The following UBE2D4 variants were observed in gnomAD, a reference collection of about 807,000 sequenced individuals.
The protein encoded by UBE2D4 is ubiquitin-conjugating enzyme E2 D4.
A neutral mutation model predicts 23.0 loss-of-function variants in UBE2D4; 17 were observed. The ratio of observed to expected loss-of-function variants is 0.74; its 90% CI spans 0.51 to 1.11. UBE2D4 has a LOEUF of 1.11. UBE2D4 is among the 50% of genes least tolerant of loss of function. The probability of loss-of-function intolerance (pLI) is 0.00; values close to 1 mark genes in which losing one functional copy is unlikely to be tolerated. For synonymous variants in UBE2D4, 61 were observed against 69.4 expected, an observed-to-expected ratio of 0.88 and a Z score of 0.60; for missense variants, 139 against 181.8, an observed-to-expected ratio of 0.76 and a Z score of 1.35.
At chr7:43,939,656 G>C (rs959723070) in intron 2 of UBE2D4, among the ~76,000 whole-genome samples, 21 of 152,248 alleles carry the variant, frequency 1.4e-4, no homozygotes, top group African/African-American at 4.6e-4. Flanking sequence ...ATGATTTTCA[G>C]AAGCTGGTAA....
chr7:43,928,935 A>T (rs2095939480), intron 1 of UBE2D4, among the ~76,000 whole-genome samples: 5 of 152,232 alleles, frequency 3.3e-5, no homozygotes. Flanking sequence ...CTTGAGCATG[A>T]AATGTCAACT....
Position 43,939,355 on chromosome 7 carries a change from G to A in UBE2D4, c.88+861G>A, listed in dbSNP as rs1377298980. Among the ~76,000 whole-genome samples the A allele has an allele frequency of 2.6e-5, 4 of 152,278 alleles. No homozygotes were observed. In the East Asian group the frequency reaches 5.8e-4, roughly 22 times the overall value. On this transcript the variant is annotated intron_variant, in intron 2 of 6. Coordinates refer to ENST00000222402, the MANE Select transcript of UBE2D4 (RefSeq NM_015983.4). ...GAGAGAGGGAGAAGCAGCACTGCCTGTTCCAGGCCTCTGCTGTCCCTCACA... is the reference window on the plus strand; with the variant it reads ...GAGAGAGGGAGAAGCAGCACTGCCTATTCCAGGCCTCTGCTGTCCCTCACA...
intron 4 of UBE2D4, 148 bp downstream of exon 4, chr7:43,943,179 A>C: frequency 1.3e-6 from 1 of 753,566 alleles, no homozygotes; most frequent in South Asian, 1.6e-5. Context: ...GTTTCCCAGG[A>C]CTTTAATTAC....
chr7:43,946,860 G>A (rs924531784), intron 4 of UBE2D4, among the ~76,000 whole-genome samples: 6 of 152,004 alleles, frequency 3.9e-5, no homozygotes, highest in Non-Finnish European at 5.9e-5. Flanking sequence ...GAGGGTCCAC[G>A]GCCTGAGCTT....
chr7:43,953,047 G>T lies in UBE2D4; in HGVS notation c.*352G>T. On this transcript the variant is annotated 3_prime_UTR_variant, in exon 7 of 7. Coordinates refer to ENST00000222402, the MANE Select transcript of UBE2D4 (RefSeq NM_015983.4). ...GGCCTCAAATGGTGCTGCTGCCCAT[G>T]ATGGTACCACACCAGGGCCTCAGCC... 1 of 435,346 alleles carries T rather than the reference G, an allele frequency of 2.3e-6. No individual in the cohort carries two copies. Among genetic ancestry groups the T allele is most frequent in the Non-Finnish European group, 4.6e-6 (1 of 217,294 alleles). The allele number at this position is 435,346 out of a possible 1,614,324, so 27.0% of individuals were successfully genotyped here. A position where few individuals can be genotyped will look rare whatever the true frequency, so the allele number is the denominator to read the frequency against.
chr7:43,942,589 C>A, intron 2 of UBE2D4: 1 of 615,832 alleles, frequency 1.6e-6, no homozygotes, highest in Non-Finnish European at 2.9e-6. Context: ...TGATGTTAAC[C>A]TATGTTGTTT....
chr7:43,928,479 T>A (rs902212995), intron 1 of UBE2D4, among the ~76,000 whole-genome samples: 5 of 152,040 alleles, frequency 3.3e-5, no homozygotes, highest in African/African-American at 1.2e-4. Context: ...GATGAGTTAT[T>A]CTCTGAAAGG....
intron 4 of UBE2D4, 71 bp from the exon 5 acceptor site, chr7:43,948,561 T>C: frequency 9.8e-7 from 1 of 1,025,174 alleles, no homozygotes; most frequent in South Asian, 1.4e-5. Flanking sequence ...CAGCAGCTGC[T>C]TCTGCTTTAC....
intron 2 of UBE2D4, 191 bp from the exon 3 acceptor site, chr7:43,942,631 CACTT>C: frequency 1.5e-6 from 1 of 685,616 alleles, no homozygotes; most frequent in Non-Finnish European, 2.5e-6. Flanking sequence ...TAAGCACAAC[CACTT>C]TCAGTGAGCT....
intron 4 of UBE2D4, chr7:43,943,990 G>A (rs748817710): frequency 6.5e-4 from 98 of 151,706 alleles, no homozygotes; most frequent in Non-Finnish European, 1.2e-3. Context: ...GCAAGAGGGC[G>A]GACAGGTCCC....
At chr7:43,946,794 A>AGG (rs75847932) in intron 4 of UBE2D4, among the ~76,000 whole-genome samples, 3 of 151,640 alleles carry the variant, frequency 2.0e-5, no homozygotes, top group Non-Finnish European at 4.4e-5. Flanking sequence ...AATTCTGAGA[A>AGG]GGGGGGGTCT....
rs1304604659 is a variant in UBE2D4 at position 43,952,707 on chromosome 7, G to A, written c.*12G>A. The A allele has an allele frequency of 6.2e-7, 1 of 1,610,484 alleles. No individual in the cohort carries two copies. Among genetic ancestry groups the A allele is most frequent in the Non-Finnish European group, 8.5e-7 (1 of 1,176,828 alleles). On this transcript the variant is annotated 3_prime_UTR_variant, in exon 7 of 7. Transcript: ENST00000222402. ...AATATGCTATGTAAGTGCCTTGGAG[G>A]TTTTACATGAGACACTGTCCAAGAG...
chr7:43,942,671 T>A, intron 2 of UBE2D4, 155 bp from the exon 3 acceptor site: 1 of 967,342 alleles, frequency 1.0e-6, no homozygotes, highest in Admixed American at 1.9e-5. Flanking sequence ...AGTTATTGCA[T>A]CTTGGGTGGT....
chr7:43,937,688 GC>G (rs1240348967), intron 1 of UBE2D4, among the ~76,000 whole-genome samples: 1 of 152,194 alleles, frequency 6.6e-6, no homozygotes, highest in Non-Finnish European at 1.5e-5. Flanking sequence ...ATGCAGGATG[GC>G]CAGAGATGTG....
In UBE2D4 at chr7:43,947,138, C is replaced by CT. The variant is rs948527771; in HGVS notation, c.199-1481dup. ...GTGAGAACATGCAGTGTTTGGTTTT[C>CT]TTTTTTTTTTTTTGAGACAGAGTTT... On this transcript the variant is annotated intron_variant, in intron 4 of 6. Transcript: ENST00000222402. The CT allele has an allele frequency of 2.7e-3, 376 of 141,542 alleles. 4 individuals are homozygous for CT. The highest frequency in any genetic ancestry group is 0.022 in the East Asian group (108 of 4,954). 8.8% of individuals were successfully genotyped at this position (141,542 alleles called of 1,614,324 possible). A position where few individuals can be genotyped will look rare whatever the true frequency, so the allele number is the denominator to read the frequency against.
At chr7:43,947,399 G>A (rs1003776034) in intron 4 of UBE2D4, among the ~76,000 whole-genome samples, 1 of 152,162 alleles carries the variant, frequency 6.6e-6, no homozygotes, top group Non-Finnish European at 1.5e-5. Flanking sequence ...CCAAAGTGCT[G>A]GGATTACAGG....
Position 43,955,712 on chromosome 7 carries a change from G to A in UBE2D4, c.*3017G>A, listed in dbSNP as rs1243304177. The stretch of plus-strand genomic sequence containing the variant: ...TCTGGTACCCAAAAGGGCAGAGAAG[G>A]AACCCTAAGATTAGCATAGAGCCAC... On this transcript the variant is annotated 3_prime_UTR_variant, in exon 7 of 7. Transcript: ENST00000222402. 6.6e-6 allele frequency: 1 copy of A among 152,140 alleles called. No individual in the cohort carries two copies. Among genetic ancestry groups the A allele is most frequent in the African/African-American group, 2.4e-5 (1 of 41,406 alleles). 9.4% of individuals were successfully genotyped at this position (152,140 alleles called of 1,614,324 possible).
chr7:43,950,439 A>G (rs1321830553), intron 5 of UBE2D4, among the ~76,000 whole-genome samples, 160 bp from the exon 6 acceptor site: 1 of 152,164 alleles, frequency 6.6e-6, no homozygotes, highest in Admixed American at 6.5e-5. Flanking sequence ...CGGCTGATAC[A>G]TGGGACGGGG....
At position 43,926,496 on chromosome 7, in the gene UBE2D4, C is replaced by G; in HGVS notation, c.-37C>G. On this transcript the variant is annotated 5_prime_UTR_variant, in exon 1 of 7. Coordinates refer to ENST00000222402, the MANE Select transcript of UBE2D4 (RefSeq NM_015983.4). ...CGGCAGCGGGCCGCCTCAGGCAGCC[C>G]CGGCCGGGCCGCCCGGGTCCCCGGC... 2.0e-6 allele frequency: 3 copies of G among 1,489,816 alleles called. No individual in the cohort carries two copies. The highest frequency in any genetic ancestry group is 2.6e-5 in the South Asian group (2 of 77,994). 92.3% of individuals were successfully genotyped at this position (1,489,816 alleles called of 1,614,324 possible).
Sources: gnomAD v4.1 joint callset for allele counts (sites outside exome capture counted in the v4.1 genomes callset) on GRCh38, gnomAD v4.1.1 for gene constraint, MANE v1.5 for transcripts, NCBI Gene and HGNC (gene_info 2026-07-23, HGNC 2026-07-21) for gene names.